Variants in PDE4B observed in about 807,000 individuals in gnomAD.
PDE4B encodes the protein 3',5'-cyclic-AMP phosphodiesterase 4B.
In PDE4B, 20 loss-of-function variants were observed where a neutral mutation model predicts 82.2. The observed-to-expected ratio is 0.24, with a 90% CI of 0.17 to 0.35. The LOEUF (loss-of-function observed/expected upper bound fraction) is 0.35, where lower values mean the gene tolerates loss of function less well. PDE4B is among the 10% of genes least tolerant of loss of function. The pLI is 1.00. For synonymous variants in PDE4B, 320 were observed against 318.9 expected (o/e 1.00, Z -0.04); for missense variants, 655 against 907.2 (o/e 0.72, Z 3.57).
chr1:66,174,228 G>A (rs1438122692), intron 3 of PDE4B, among the ~76,000 whole-genome samples: 1 of 152,186 alleles, frequency 6.6e-6, no homozygotes, highest in Non-Finnish European at 1.5e-5. Context: ...TCACTTAAAT[G>A]CAGTAGGGGA....
intron 7 of PDE4B, among the ~76,000 whole-genome samples, chr1:66,293,012 C>T (rs1296347724): frequency 1.3e-5 from 2 of 152,144 alleles, no homozygotes; most frequent in Non-Finnish European, 2.9e-5. Flanking sequence ...CCAGACCTGC[C>T]ATTATAACCC....
At chr1:65,984,421 T>C (rs1443706773) in intron 3 of PDE4B, among the ~76,000 whole-genome samples, 8 of 152,148 alleles carry the variant, frequency 5.3e-5, no homozygotes. Context: ...TGCAAGAATA[T>C]CTATGTGTGT....
intron 3 of PDE4B, among the ~76,000 whole-genome samples, chr1:66,004,894 G>A (rs1652064023): frequency 6.6e-6 from 1 of 151,936 alleles, no homozygotes. Flanking sequence ...ACCTTTGGGA[G>A]CATCAACTTC....
intron 3 of PDE4B, 76 bp from the exon 4 acceptor site, chr1:66,247,384 C>A: frequency 1.1e-6 from 1 of 936,908 alleles, no homozygotes; most frequent in Non-Finnish European, 1.6e-6. Flanking sequence ...ACCTGCCACA[C>A]GTTGGTTCTC....
At chr1:65,887,132 C>T (rs1646787749) in intron 1 of PDE4B, among the ~76,000 whole-genome samples, 2 of 141,506 alleles carry the variant, frequency 1.4e-5, no homozygotes, top group South Asian at 2.3e-4. Flanking sequence ...CTCCTTCCCT[C>T]CCTCTCTCCC....
intron 3 of PDE4B, among the ~76,000 whole-genome samples, chr1:66,044,632 T>C (rs1467745790): frequency 6.6e-6 from 1 of 151,790 alleles, no homozygotes; most frequent in African/African-American, 2.4e-5. Context: ...ATTAGTGTAA[T>C]TAAAACTCAG....
intron 1 of PDE4B, among the ~76,000 whole-genome samples, chr1:65,811,203 C>T (rs888515145): frequency 1.3e-5 from 2 of 152,222 alleles, no homozygotes; most frequent in African/African-American, 4.8e-5. Flanking sequence ...TCATTATGAT[C>T]TCAGCTTTAC....
intron 4 of PDE4B, among the ~76,000 whole-genome samples, chr1:66,251,644 A>G (rs1653784706): frequency 1.3e-5 from 2 of 152,190 alleles, no homozygotes; most frequent in Admixed American, 6.5e-5. Context: ...CCAGGCAGGA[A>G]AGCAGCCTAC....
At chr1:65,924,241 A>AT (rs1220405807) in intron 3 of PDE4B, among the ~76,000 whole-genome samples, 2 of 143,954 alleles carry the variant, frequency 1.4e-5, no homozygotes, top group Admixed American at 1.4e-4. Context: ...CGCCCGGCTA[A>AT]TTTTTTGTAT....
intron 7 of PDE4B, among the ~76,000 whole-genome samples, chr1:66,281,080 T>G (rs1295624433): frequency 6.6e-6 from 1 of 152,202 alleles, no homozygotes; most frequent in Non-Finnish European, 1.5e-5. Flanking sequence ...TCCTGCTCAC[T>G]CTTATTTATC....
chr1:66,365,561 C>T, intron 12 of PDE4B, 106 bp from the exon 13 acceptor site: 3 of 573,548 alleles, frequency 5.2e-6, no homozygotes, highest in East Asian at 2.8e-5. Flanking sequence ...CATAAATCAA[C>T]AATCCCTCTC....
intron 3 of PDE4B, among the ~76,000 whole-genome samples, chr1:65,942,480 C>T (rs2100549633): frequency 6.6e-6 from 1 of 151,998 alleles, no homozygotes; most frequent in African/African-American, 2.4e-5. Context: ...GTGAACAGTG[C>T]TGCTATTAAC....
chr1:66,372,544 G>A lies in PDE4B; in HGVS notation c.2077G>A (p.Glu693Lys). Residue 693 changes from glutamate to lysine, a missense_variant, in exon 17 of 17, where the codon GAG (glutamate) becomes AAG (lysine). Glu to Lys is a moderately conservative substitution (Grantham distance 56). This residue lies in a region of PDE4B where 119 missense variants were observed against 115.2 expected (regional missense o/e 1.03). Transcript: ENST00000341517. ...CGATGAGGAAGATTCTGAAGGACCT[G>A]AGAAGGAGGGAGAGGGACACAGCTA... ...TLDEEDSEGPEKEGEGHSYFS... is the reference protein window; with the variant it reads ...TLDEEDSEGPKKEGEGHSYFS... 6.2e-7 allele frequency: 1 copy of A among 1,614,186 alleles called. No individual in the cohort carries two copies. The highest frequency in any genetic ancestry group is 1.1e-5 in the South Asian group (1 of 91,088).
chr1:65,890,256 A>T (rs903899625), intron 1 of PDE4B, among the ~76,000 whole-genome samples: 4 of 151,866 alleles, frequency 2.6e-5, no homozygotes, highest in African/African-American at 4.8e-5. Flanking sequence ...TTTCATTTTC[A>T]TGGAAAGACC....
chr1:65,857,231 A>G (rs979648109), intron 1 of PDE4B, among the ~76,000 whole-genome samples: 3 of 152,194 alleles, frequency 2.0e-5, no homozygotes, highest in African/African-American at 7.2e-5. Context: ...TATCTTACCC[A>G]GAGTCAAAAC....
chr1:66,219,690 A>G (rs377551565), intron 3 of PDE4B, among the ~76,000 whole-genome samples: 1 of 152,154 alleles, frequency 6.6e-6, no homozygotes, highest in East Asian at 1.9e-4. Context: ...AAATTATCCA[A>G]ATAAAACTAC....
intron 1 of PDE4B, among the ~76,000 whole-genome samples, chr1:65,831,080 G>C: frequency 6.6e-6 from 1 of 152,016 alleles, no homozygotes; most frequent in Non-Finnish European, 1.5e-5. Context: ...AATGAAGAAT[G>C]AGCCAAATTC....
intron 3 of PDE4B, among the ~76,000 whole-genome samples, chr1:65,982,321 G>A (rs1343165616): frequency 4.6e-5 from 7 of 152,124 alleles, no homozygotes; most frequent in South Asian, 4.1e-4. Flanking sequence ...GCAAAGGGTC[G>A]CAAACACATC....
At chr1:66,148,536 C>T (rs1230877997) in intron 3 of PDE4B, among the ~76,000 whole-genome samples, 2 of 152,030 alleles carry the variant, frequency 1.3e-5, no homozygotes, top group East Asian at 1.9e-4. Context: ...GTAATGTTTA[C>T]AATTTAATTA....
Sources: allele counts gnomAD v4.1 joint callset (sites outside exome capture counted in the v4.1 genomes callset), GRCh38; gene constraint gnomAD v4.1.1; regional missense constraint gnomAD v4.1.1; transcripts MANE v1.5; gene names NCBI Gene and HGNC (gene_info 2026-07-23, HGNC 2026-07-21).